The following EPS15L1 variants were observed in gnomAD, a reference collection of about 807,000 sequenced individuals.
EPS15L1 encodes the protein epidermal growth factor receptor pathway substrate 15 like 1, also known as epidermal growth factor receptor substrate 15-like 1.
In EPS15L1, 43 loss-of-function variants were observed where a neutral mutation model predicts 117.1. The observed-to-expected ratio is 0.37, with a 90% CI of 0.29 to 0.47. The LOEUF (loss-of-function observed/expected upper bound fraction) is 0.47, where lower values mean the gene tolerates loss of function less well. Among genes scored for constraint, EPS15L1 ranks in the 20% least tolerant of loss-of-function variants. The pLI, the probability that EPS15L1 is intolerant of heterozygous loss-of-function variation, is 0.99. For missense variants in EPS15L1, 981 were observed against 1,164.0 expected (o/e 0.84, Z 2.29); for synonymous variants, 459 against 470.5 (o/e 0.98, Z 0.32).
intron 18 of EPS15L1, among the ~76,000 whole-genome samples, chr19:16,393,635 C>T (rs1463157623): frequency 1.3e-4 from 19 of 142,672 alleles, no homozygotes; most frequent in Admixed American, 7.1e-5. Flanking sequence ...GGCGACAGAG[C>T]GAGACTCCGT....
intron 9 of EPS15L1, among the ~76,000 whole-genome samples, chr19:16,424,849 G>C (rs2092853461): frequency 6.6e-6 from 1 of 151,964 alleles, no homozygotes; most frequent in African/African-American, 2.4e-5. Context: ...TTTTAGTAGA[G>C]ACGGGGTTTC....
rs906854810 is a variant in EPS15L1, at chr19:16,383,272, A to C, written c.2247+1857T>G. 2.0e-5 allele frequency: 3 copies of C among 152,196 alleles called. No individual in the cohort carries two copies. Among genetic ancestry groups the C allele is most frequent in the Non-Finnish European group, 4.4e-5 (3 of 68,042 alleles). 9.4% of individuals were successfully genotyped at this position (152,196 alleles called of 1,614,324 possible). A position where few individuals can be genotyped will look rare whatever the true frequency, so the allele number is the denominator to read the frequency against. ...ATGTGTGTGAAGAGCCCCTGGTTTC[A>C]GGGCCCAAGGACAGGCAGAGGGCGG... On this transcript the variant is annotated intron_variant, in intron 21 of 23. Transcript: ENST00000455140. The surrounding 1 kb of genome is among the most constrained non-coding windows in gnomAD (Gnocchi z 5.2).
In EPS15L1 at chr19:16,404,559, G is replaced by A. The variant is rs764611844; in HGVS notation, c.1428+29C>T. 6 of 1,612,894 alleles carry A rather than the reference G, an allele frequency of 3.7e-6. No homozygotes were observed. In the East Asian group the frequency reaches 6.7e-5, roughly 18 times the overall value. Reference sequence around the variant, plus strand: ...TGGGAAGCCCCTGCCTGTGCATAGGGCGCTGCCCCGGAGGTGGCCGGGACC... The same window carrying A: ...TGGGAAGCCCCTGCCTGTGCATAGGACGCTGCCCCGGAGGTGGCCGGGACC... On this transcript the variant is annotated intron_variant, in intron 14 of 23. Coordinates refer to ENST00000455140, the MANE Select transcript of EPS15L1 (RefSeq NM_001258374.3). The surrounding 1 kb of genome is among the most constrained non-coding windows in gnomAD (Gnocchi z 4.2).
intron 7 of EPS15L1, among the ~76,000 whole-genome samples, chr19:16,432,255 G>T (rs1375435301): frequency 6.6e-6 from 1 of 152,090 alleles, no homozygotes; most frequent in African/African-American, 2.4e-5. Context: ...CCAACATGGT[G>T]AAACCCCATC....
intron 12 of EPS15L1, 89 bp from the exon 13 acceptor site, chr19:16,413,934 A>C: frequency 2.1e-6 from 2 of 958,080 alleles, no homozygotes; most frequent in African/African-American, 1.6e-5. Flanking sequence ...CCCCCACAAA[A>C]GCCCCTCTGT....
intron 6 of EPS15L1, among the ~76,000 whole-genome samples, chr19:16,435,912 C>T (rs1406996435): frequency 6.6e-6 from 1 of 152,134 alleles, no homozygotes; most frequent in Non-Finnish European, 1.5e-5. Flanking sequence ...TGGACATAAC[C>T]CCTGGTGGAA....
intron 21 of EPS15L1, among the ~76,000 whole-genome samples, chr19:16,380,051 T>A (rs1350897661): frequency 6.6e-6 from 1 of 152,170 alleles, no homozygotes; most frequent in African/African-American, 2.4e-5. Context: ...CAGCTAAAGC[T>A]CCAGTGTCTA....
At chr19:16,412,861 G>A (rs994005183) in intron 13 of EPS15L1, 20 of 571,424 alleles carry the variant, frequency 3.5e-5, no homozygotes, top group East Asian at 8.1e-5. Context: ...AGGCAAGGCC[G>A]AGGATAAGGA....
At chr19:16,466,925 G>A (rs1362992180) in intron 1 of EPS15L1, among the ~76,000 whole-genome samples, 1 of 150,322 alleles carries the variant, frequency 6.7e-6, no homozygotes, top group African/African-American at 2.4e-5. Flanking sequence ...AAAAAGGAAA[G>A]CACTGAGAGC....
chr19:16,392,199 G>A lies in EPS15L1; in HGVS notation c.2103+105C>T. 3 of 1,302,906 alleles carry A rather than the reference G, an allele frequency of 2.3e-6. No individual in the cohort carries two copies. In the South Asian group the frequency reaches 3.9e-5, roughly 17 times the overall value. The allele number at this position is 1,302,906 out of a possible 1,614,324, so 80.7% of individuals were successfully genotyped here. On this transcript the variant is annotated intron_variant, in intron 19 of 23. Transcript: ENST00000455140. ...ACAGACACCATGGCCCACACTCGCAGGCACCATGTACGCTCCACGAAGGGA... is the reference window on the plus strand; with the variant it reads ...ACAGACACCATGGCCCACACTCGCAAGCACCATGTACGCTCCACGAAGGGA...
At position 16,355,497 on chromosome 19, in the gene EPS15L1, G is replaced by A. The variant is rs2091968795; in HGVS notation, c.*208C>T. ...GGCACAGTGGAGAGACGGACCTGCA[G>A]AAGTGGTGGCCAAGGCCTCTGTAAG... On this transcript the variant is annotated 3_prime_UTR_variant, in exon 24 of 24. Transcript: ENST00000455140. The A allele has an allele frequency of 1.7e-6, 1 of 591,472 alleles. No individual in the cohort carries two copies. Among genetic ancestry groups the A allele is most frequent in the Non-Finnish European group, 2.9e-6 (1 of 345,400 alleles). The allele number at this position is 591,472 out of a possible 1,614,324, so 36.6% of individuals were successfully genotyped here.
chr19:16,376,592 G>T (rs1006816348), intron 22 of EPS15L1, among the ~76,000 whole-genome samples: 1 of 152,298 alleles, frequency 6.6e-6, no homozygotes, highest in African/African-American at 2.4e-5. Flanking sequence ...CACATCAGAT[G>T]CCACCAAGGA....
At chr19:16,398,944 C>T (rs1287922318) in intron 16 of EPS15L1, among the ~76,000 whole-genome samples, 2 of 152,164 alleles carry the variant, frequency 1.3e-5, no homozygotes, top group East Asian at 1.9e-4. Context: ...TACAGGCACT[C>T]GCCACCATGC....
chr19:16,360,016 T>A (rs2092030870), intron 23 of EPS15L1, among the ~76,000 whole-genome samples: 1 of 151,462 alleles, frequency 6.6e-6, no homozygotes, highest in African/African-American at 2.4e-5. Flanking sequence ...ACAATTGTTC[T>A]GGAACTACCA....
At chr19:16,441,024 C>A in intron 3 of EPS15L1, 115 bp from the exon 4 acceptor site, 6 of 976,090 alleles carry the variant, frequency 6.1e-6, no homozygotes, top group East Asian at 2.4e-5. Context: ...AGTGACTGTC[C>A]CCAGGTTGTC....
At chr19:16,464,860 G>C (rs1355706474) in intron 1 of EPS15L1, among the ~76,000 whole-genome samples, 1 of 152,140 alleles carries the variant, frequency 6.6e-6, no homozygotes, top group Non-Finnish European at 1.5e-5. Flanking sequence ...AAGGCGGGCA[G>C]ATCACAAGGT....
chr19:16,385,972 T>C (rs1331844074), intron 20 of EPS15L1, among the ~76,000 whole-genome samples, 199 bp downstream of exon 20: 2 of 152,240 alleles, frequency 1.3e-5, no homozygotes, highest in African/African-American at 4.8e-5. Context: ...TCTGGAAAGA[T>C]GCCAGCGCGT....
rs541245974 is a variant in EPS15L1 at position 16,406,527 on chromosome 19, C to A, written c.1267-1778G>T. Among the ~76,000 whole-genome samples the A allele has an allele frequency of 3.6e-4, 55 of 152,328 alleles. No individual in the cohort carries two copies. In the South Asian group the frequency reaches 3.9e-3, roughly 11 times the overall value. ...CCACCAGGGACGGAAGCCTCTAGAG[C>A]CTCCTAAGTCTAACCCTGGCCCCAT... On this transcript the variant is annotated intron_variant, in intron 13 of 23. Transcript: ENST00000455140.
At chr19:16,402,614 T>G in intron 15 of EPS15L1, 129 bp from the exon 16 acceptor site, 1 of 871,328 alleles carries the variant, frequency 1.1e-6, no homozygotes, top group East Asian at 2.8e-5. Context: ...TGATCATAGC[T>G]CACTGTAGCC....
Sources: allele counts gnomAD v4.1 joint callset (sites outside exome capture counted in the v4.1 genomes callset), GRCh38; gene constraint gnomAD v4.1.1; non-coding constraint Gnocchi (gnomAD v3.1); transcripts MANE v1.5; gene names NCBI Gene and HGNC (gene_info 2026-07-23, HGNC 2026-07-21).